PAN2: variants seen among roughly 807,000 people sequenced by gnomAD.
PAN2 encodes the protein poly(A) specific ribonuclease subunit PAN2.
Under a neutral mutation model 133.3 loss-of-function variants are expected in PAN2, and 68 were observed. That is an observed-to-expected ratio of 0.51 (90% CI 0.42 to 0.62). PAN2 has a LOEUF of 0.62. Ranked by LOEUF, PAN2 falls within the 20% of genes least tolerant of loss-of-function variation. The pLI is 0.00. For synonymous variants in PAN2, 462 were observed against 544.6 expected (o/e 0.85, Z 2.11); for missense variants, 1,042 against 1,500.5 (o/e 0.69, Z 5.05).
rs561402020 is a variant in PAN2 at position 56,327,481 on chromosome 12, T to G, written c.802A>C (p.Lys268Gln). The change falls in exon 6 of 26, where the codon AAG (lysine) becomes CAG (glutamine). Residue 268 changes from lysine (K) to glutamine (Q), a missense_variant. Physicochemically the swap from Lys to Gln is moderately conservative, Grantham distance 53. Coordinates refer to ENST00000440411, the MANE Select transcript of PAN2 (RefSeq NM_014871.6). ...LTGLACDRFLKVYDLRMMRAI... is the reference protein window; with the variant it reads ...LTGLACDRFLQVYDLRMMRAI... ...CGCATCATGCGCAAATCATACACCT[T>G]GAGGAAACGGTCGCAGGCCAGGCCA... 73 of 1,614,190 alleles carry G rather than the reference T, an allele frequency of 4.5e-5. No homozygotes were observed. Among genetic ancestry groups the G allele is most frequent in the South Asian group, 5.5e-5 (5 of 91,086 alleles).
At chr12:56,318,456 T>C (rs74976752) in intron 24 of PAN2, 22 bp from the exon 25 acceptor site, 894 of 1,597,996 alleles carry the variant, frequency 5.6e-4, no homozygotes, top group Non-Finnish European at 7.3e-4. Context: ...AAAGGTGGAA[T>C]AGTTTGGGAC....
intron 24 of PAN2, chr12:56,318,708 A>T: frequency 2.3e-6 from 1 of 441,520 alleles, no homozygotes. Context: ...TTTATATTTA[A>T]ATTTTATTTT....
Position 56,318,266 on chromosome 12 carries a change from G to A in PAN2, c.3533C>T (p.Pro1178Leu). The A allele has an allele frequency of 6.2e-7, 1 of 1,614,128 alleles. No individual in the cohort carries two copies. The highest frequency in any genetic ancestry group is 8.5e-7 in the Non-Finnish European group (1 of 1,180,004). The part of the protein sequence containing the change: ...EKGRKMDWKV[P>L]EPEGQTSPKN... Reference sequence around the variant, plus strand: ...GGGACTTGTTTGGCCCTCAGGCTCAGGCACCTTCCAGTCCATCTTTCTGCC... The same window carrying A: ...GGGACTTGTTTGGCCCTCAGGCTCAAGCACCTTCCAGTCCATCTTTCTGCC... The change falls in exon 25 of 26, where the codon CCT (proline) becomes CTT (leucine). Residue 1178 changes from proline (P) to leucine (L), a missense_variant. Around this residue, in one of 3 missense-constraint regions of PAN2, gnomAD observed 85 missense variants for 116.5 expected, o/e 0.73. Transcript: ENST00000440411.
intron 2 of PAN2, among the ~76,000 whole-genome samples, chr12:56,330,559 C>T (rs1291157652): frequency 6.6e-6 from 1 of 151,194 alleles, no homozygotes; most frequent in Non-Finnish European, 1.5e-5. Flanking sequence ...CGGGGTTTCA[C>T]CGTTTTAGCC....
At position 56,322,152 on chromosome 12, in the gene PAN2, A is replaced by T. The variant is rs1338841631; in HGVS notation, c.2714T>A (p.Phe905Tyr). 6.2e-7 allele frequency: 1 copy of T among 1,603,794 alleles called. No individual in the cohort carries two copies. Among genetic ancestry groups the T allele is most frequent in the East Asian group, 2.2e-5 (1 of 44,790 alleles). ...TGCAGGTACTTTCCAATTCATGTCA[A>T]ACTGCACAGCTTCATGCTATAGAAG... ...EPIDKHEAVQ[F>Y]DMNWKVPAIL... Residue 905 changes from phenylalanine (F) to tyrosine (Y), a missense_variant, in exon 20 of 26, where the codon TTT becomes TAT. Physicochemically the swap from Phe to Tyr is conservative, Grantham distance 22 (BLOSUM62 3). Transcript: ENST00000440411.
intron 2 of PAN2, among the ~76,000 whole-genome samples, chr12:56,329,390 C>G (rs911172940): frequency 6.6e-6 from 1 of 151,986 alleles, no homozygotes; most frequent in Admixed American, 6.6e-5. Context: ...GGCTGGAGTG[C>G]AATGGCACGA....
rs111564855 is a variant in PAN2, at chr12:56,332,033, CAA to C, written c.282+778_282+779del. Among the ~76,000 whole-genome samples, 9 of 152,218 alleles carry C rather than the reference CAA, an allele frequency of 5.9e-5. 1 individual carries two copies. The highest frequency in any genetic ancestry group is 1.9e-4 in the African/African-American group (8 of 41,540). On this transcript the variant is annotated intron_variant, in intron 2 of 25. Transcript: ENST00000440411. Reference sequence around the variant, plus strand: ...CGGCCGGACAGCACAGTATTTCTTACAAAGTCTTTGGGCACCATAGCATATTG... The same window carrying C: ...CGGCCGGACAGCACAGTATTTCTTACAGTCTTTGGGCACCATAGCATATTG...
intron 18 of PAN2, 28 bp from the exon 19 acceptor site, chr12:56,322,510 C>T (rs374207081): frequency 2.2e-5 from 35 of 1,611,848 alleles, no homozygotes; most frequent in Non-Finnish European, 2.7e-5. Flanking sequence ...AAGCCTGTGG[C>T]GATACAAATT....
At chr12:56,318,160 G>A in intron 25 of PAN2, 77 bp downstream of exon 25, 1 of 1,228,612 alleles carries the variant, frequency 8.1e-7, no homozygotes, top group Non-Finnish European at 1.2e-6. Context: ...CTGGGTGACA[G>A]AGTGAGACCC....
At chr12:56,318,508 G>A (rs764131183) in intron 24 of PAN2, 74 bp from the exon 25 acceptor site, 74 of 1,188,030 alleles carry the variant, frequency 6.2e-5, no homozygotes, top group Non-Finnish European at 9.0e-5. Flanking sequence ...ACTCCTACCT[G>A]ACTCCAGAAA....
rs1875242893 is a variant in PAN2 at position 56,327,391 on chromosome 12, A to T, written c.892T>A (p.Ser298Thr). The T allele has an allele frequency of 6.2e-7, 1 of 1,614,026 alleles. No homozygotes were observed. The highest frequency in any genetic ancestry group is 8.5e-7 in the Non-Finnish European group (1 of 1,180,016). The change falls in exon 6 of 26, where the codon TCT becomes ACT. Residue 298 changes from serine to threonine, a missense_variant. Around this residue, in one of 3 missense-constraint regions of PAN2, gnomAD observed 908 missense variants for 1,223.5 expected, o/e 0.74. Coordinates refer to ENST00000440411, the MANE Select transcript of PAN2 (RefSeq NM_014871.6). Reference sequence around the variant, plus strand: ...GACTGAGAGATGATAGCAAGACGAGAAGTATATGTAGGAATGAAGCGCAAG... The same window carrying T: ...GACTGAGAGATGATAGCAAGACGAGTAGTATATGTAGGAATGAAGCGCAAG... ...AFLRFIPTYT[S>T]RLAIISQSGQ...
intron 2 of PAN2, among the ~76,000 whole-genome samples, chr12:56,329,141 C>G (rs1041780814): frequency 3.3e-5 from 5 of 152,068 alleles, no homozygotes; most frequent in Non-Finnish European, 7.4e-5. Flanking sequence ...ACTACTAAAC[C>G]TCCTTAAACA....
Position 56,324,997 on chromosome 12 carries a change from C to T in PAN2, c.1599+12G>A, listed in dbSNP as rs1298856257. 2 of 1,613,224 alleles carry T rather than the reference C, an allele frequency of 1.2e-6. No homozygotes were observed. The highest frequency in any genetic ancestry group is 1.7e-6 in the Non-Finnish European group (2 of 1,179,562). The stretch of plus-strand genomic sequence containing the variant: ...CAGGCACGTTCAAGTTACAGGAATA[C>T]CCAACCCTTACCTGGATCATGCAGT... On this transcript the variant is annotated intron_variant, in intron 10 of 25. Coordinates refer to ENST00000440411, the MANE Select transcript of PAN2 (RefSeq NM_014871.6).
Position 56,326,450 on chromosome 12 carries a change from G to A in PAN2, c.1263-41C>T, listed in dbSNP as rs1431103279. On this transcript the variant is annotated intron_variant, in intron 7 of 25. Coordinates refer to ENST00000440411, the MANE Select transcript of PAN2 (RefSeq NM_014871.6). ...GTTCTAGGACTTAAAGAGTTGTGGT[G>A]TACACTGGTCCACTCCCCAATCCCC... is the stretch of plus-strand genomic sequence containing the variant. The A allele has an allele frequency of 4.5e-6, 7 of 1,547,666 alleles. No homozygotes were observed. In the South Asian group the frequency reaches 7.0e-5, roughly 15 times the overall value.
At position 56,318,250 on chromosome 12, in the gene PAN2, T is replaced by C. The variant is rs758558994; in HGVS notation, c.3549A>G (p.Gln1183=). 5 of 1,613,890 alleles carry C rather than the reference T, an allele frequency of 3.1e-6. No individual in the cohort carries two copies. Among genetic ancestry groups the C allele is most frequent in the Non-Finnish European group, 4.2e-6 (5 of 1,179,882 alleles). Residue 1183 remains glutamine (Q), a synonymous_variant, in exon 25 of 26, where the codon CAA becomes CAG. Transcript: ENST00000440411. ...CCCAGGTCTTACTCTTGGGACTTGT[T>C]TGGCCCTCAGGCTCAGGCACCTTCC... ...MDWKVPEPEG[Q]TSPKNAAVFS... is the part of the protein sequence containing the mutation.
rs1005789164 is a variant in PAN2 at position 56,322,090 on chromosome 12, A to G, written c.2776T>C (p.Tyr926His). 3.8e-6 allele frequency: 6 copies of G among 1,594,728 alleles called. No homozygotes were observed. The African/African-American group carries it at 6.7e-5, about 18-fold the overall frequency. Residue 926 changes from tyrosine to histidine, a missense_variant, in exon 20 of 26, where the codon TAC becomes CAC. Tyr to His is a moderately conservative substitution (Grantham distance 83). Around this residue, in one of 3 missense-constraint regions of PAN2, gnomAD observed 908 missense variants for 1,223.5 expected, o/e 0.74. Transcript: ENST00000440411. ...ATGTAGCACTTACTGTTCAGGTTGT[A>G]TCTGGAATTGAGATTCCGTTTGACA... ...YYVKRNLNSR[Y>H]NLNIKNPIEA...
Position 56,333,026 on chromosome 12 carries a change from A to C in PAN2, c.69T>G (p.Pro23=). ...YAPAMHSALD[P]VLDAHLNPSL... ...TTGGGTTCAGGTGGGCATCCAAGAC[A>C]GGGTCCAGGGCAGAATGCATGGCTG... The change falls in exon 2 of 26, where the codon CCT becomes CCG. Residue 23 remains proline, a synonymous_variant. Transcript: ENST00000440411. 1 of 1,614,182 alleles carries C rather than the reference A, an allele frequency of 6.2e-7. No homozygotes were observed. Among genetic ancestry groups the C allele is most frequent in the Non-Finnish European group, 8.5e-7 (1 of 1,180,022 alleles).
rs150575320 is a variant in PAN2, at chr12:56,324,610, A to G, written c.1699T>C (p.Leu567=). The change falls in exon 11 of 26, where the codon TTG becomes CTG. Residue 567 remains leucine, a synonymous_variant. Transcript: ENST00000440411. ...CAAGGGTCACCACGAGAGAGGTCCA[A>G]CATGTGAAACAGGAAGCCCAGCTCA... ...ACELGFLFHM[L]DLSRGDPCQG... The G allele has an allele frequency of 3.7e-6, 6 of 1,614,028 alleles. No homozygotes were observed. The African/African-American group carries it at 8.0e-5, about 22-fold the overall frequency.
Position 56,319,020 on chromosome 12 carries a change from TTTC to T in PAN2, c.3364+65_3364+67del. On this transcript the variant is annotated intron_variant, in intron 24 of 25. Coordinates refer to ENST00000440411, the MANE Select transcript of PAN2 (RefSeq NM_014871.6). This position sits in a 1 kb window ranked among gnomAD's most constrained non-coding sequence, Gnocchi z 5.4. ...ATCCATGTTGCCGCAAAGAACATGA[TTTC>T]TTTTTTTTTAAATGGCTGCTTCTGC... is the stretch of plus-strand genomic sequence containing the variant. 3.4e-6 allele frequency: 5 copies of T among 1,471,512 alleles called. No individual in the cohort carries two copies. The South Asian group carries it at 5.7e-5, about 17-fold the overall frequency. The allele number at this position is 1,471,512 out of a possible 1,614,324, so 91.2% of individuals were successfully genotyped here. A position where few individuals can be genotyped will look rare whatever the true frequency, so the allele number is the denominator to read the frequency against.
Sources: allele counts gnomAD v4.1 joint callset (sites outside exome capture counted in the v4.1 genomes callset), GRCh38; gene constraint gnomAD v4.1.1; regional missense constraint gnomAD v4.1.1; non-coding constraint Gnocchi (gnomAD v3.1); transcripts MANE v1.5; gene names NCBI Gene and HGNC (gene_info 2026-07-23, HGNC 2026-07-21).